Variants in EZHIP observed in about 807,000 individuals in gnomAD.
The protein encoded by EZHIP is K27M-like inhibitor of PRC2.
For synonymous variants in EZHIP, 192 were observed against 86.5 expected, an observed-to-expected ratio of 2.22 and a Z score of -6.77; for missense variants, 428 against 204.2, an observed-to-expected ratio of 2.10 and a Z score of -6.68.
rs781896481 is a variant in EZHIP at position 51,408,289 on chromosome X, T to C, written c.1273T>C (p.Trp425Arg). Residue 425 changes from tryptophan (W) to arginine (R), a missense_variant, in exon 1 of 1, where the codon TGG becomes CGG. Physicochemically the swap from Trp to Arg is moderately radical, Grantham distance 101. Transcript: ENST00000342995. Reference sequence around the variant, plus strand: ...GTTCTTCCTTCCCATCCCTCAGCAGTGGGATGAGAGCTCCTCCTCCTCCTA... The same window carrying C: ...GTTCTTCCTTCCCATCCCTCAGCAGCGGGATGAGAGCTCCTCCTCCTCCTA... Reference protein sequence around the residue: ...GRFFLPIPQQWDESSSSSYAS... With the variant: ...GRFFLPIPQQRDESSSSSYAS... The C allele has an allele frequency of 1.8e-6, 1 of 571,069 alleles. No homozygotes were observed. The highest frequency in any genetic ancestry group is 3.2e-6 in the Non-Finnish European group (1 of 309,513). The allele number at this position is 571,069 out of a possible 1,213,427, so 47.1% of individuals were successfully genotyped here. A position where few individuals can be genotyped will look rare whatever the true frequency, so the allele number is the denominator to read the frequency against.
In EZHIP at chrX:51,408,253, C is replaced by A. The variant is rs1924136612; in HGVS notation, c.1237C>A (p.Pro413Thr). 5.3e-6 allele frequency: 3 copies of A among 569,332 alleles called. No homozygotes were observed. Among genetic ancestry groups the A allele is most frequent in the African/African-American group, 2.2e-5 (1 of 44,720 alleles). The allele number at this position is 569,332 out of a possible 1,213,427, so 46.9% of individuals were successfully genotyped here. ...AVRMRASSPS[P>T]PGRFFLPIPQ... ...CCGTATGCGTGCCTCCTCACCCTCA[C>A]CCCCTGGGAGGTTCTTCCTTCCCAT... The change falls in exon 1 of 1, where the codon CCC (proline) becomes ACC (threonine). Residue 413 changes from proline to threonine, a missense_variant. Coordinates refer to ENST00000342995, the MANE Select transcript of EZHIP (RefSeq NM_203407.3).
chrX:51,407,643 A>G lies in EZHIP; in HGVS notation c.627A>G (p.Ala209=). 3 of 564,094 alleles carry G rather than the reference A, an allele frequency of 5.3e-6. No individual in the cohort carries two copies. Among genetic ancestry groups the G allele is most frequent in the Non-Finnish European group, 9.8e-6 (3 of 306,053 alleles). 46.5% of individuals were successfully genotyped at this position (564,094 alleles called of 1,213,427 possible). The change falls in exon 1 of 1, where the codon GCA becomes GCG. Residue 209 remains alanine (A), a synonymous_variant. Transcript: ENST00000342995. ...GPALLSHASE[A]RPATRSRITL... is the part of the protein sequence containing the mutation. ...CACTCCTAAGCCACGCATCTGAGGC[A>G]AGGCCTGCTACCCGAAGCCGCATCA... is the stretch of plus-strand genomic sequence containing the variant.
rs985319906 is a variant in EZHIP, at chrX:51,407,026, C to G, written c.10C>G (p.Gln4Glu). Residue 4 changes from glutamine to glutamate, a missense_variant, in exon 1 of 1, where the codon CAG becomes GAG. Transcript: ENST00000342995. ...GGGAGAACCTGGCGTTATGGCCACT[C>G]AGTCAGACATGGAGAAGGAGCAGAA... is the stretch of plus-strand genomic sequence containing the variant. MAT[Q>E]SDMEKEQKHQ... 1 of 566,078 alleles carries G rather than the reference C, an allele frequency of 1.8e-6. No individual in the cohort carries two copies. Among genetic ancestry groups the G allele is most frequent in the Non-Finnish European group, 3.3e-6 (1 of 307,038 alleles). The allele number at this position is 566,078 out of a possible 1,213,427, so 46.7% of individuals were successfully genotyped here.
rs782495154 is a variant in EZHIP, at chrX:51,408,317, C to T, written c.1301C>T (p.Ala434Val). The change falls in exon 1 of 1, where the codon GCT becomes GTT. Residue 434 changes from alanine to valine, a missense_variant. Ala to Val is a moderately conservative substitution (Grantham distance 64). Transcript: ENST00000342995. ...QWDESSSSSY[A>V]SNSSSPSRSP... ...GATGAGAGCTCCTCCTCCTCCTATG[C>T]TTCCAACTCCTCCTCCCCGAGTAGG... The T allele has an allele frequency of 1.8e-6, 1 of 571,320 alleles. No homozygotes were observed. Among genetic ancestry groups the T allele is most frequent in the Non-Finnish European group, 3.2e-6 (1 of 309,637 alleles). The allele number at this position is 571,320 out of a possible 1,213,427, so 47.1% of individuals were successfully genotyped here. A position where few individuals can be genotyped will look rare whatever the true frequency, so the allele number is the denominator to read the frequency against.
Position 51,408,038 on chromosome X carries a change from C to G in EZHIP, c.1022C>G (p.Pro341Arg), listed in dbSNP as rs782335734. The change falls in exon 1 of 1, where the codon CCA becomes CGA. Residue 341 changes from proline to arginine, a missense_variant. By Grantham distance (103) the Pro-to-Arg change is moderately radical (BLOSUM62 -2). Transcript: ENST00000342995. ...DAGHRSTSTT[P>R]GTGLRSRSTQ... ...GGTCATCGCAGCACCAGCACGACGC[C>G]AGGCACTGGCCTCCGGAGCCGTTCC... is the stretch of plus-strand genomic sequence containing the variant. 1.8e-5 allele frequency: 10 copies of G among 571,093 alleles called. No homozygotes were observed. In the Admixed American group the frequency reaches 2.2e-4, roughly 13 times the overall value. The allele number at this position is 571,093 out of a possible 1,213,427, so 47.1% of individuals were successfully genotyped here.
Position 51,408,615 on chromosome X carries a change from G to T in EZHIP, c.*87G>T. ...GGCTGCCTGCCCTGTAGTTAGCTGC[G>T]AGGTCTCCCAAAGTTCCAGCCGTTA... On this transcript the variant is annotated 3_prime_UTR_variant, in exon 1 of 1. Transcript: ENST00000342995. The T allele has an allele frequency of 2.0e-6, 1 of 490,303 alleles. No individual in the cohort carries two copies. Among genetic ancestry groups the T allele is most frequent in the South Asian group, 3.0e-5 (1 of 33,878 alleles). 40.4% of individuals were successfully genotyped at this position (490,303 alleles called of 1,213,427 possible). A position where few individuals can be genotyped will look rare whatever the true frequency, so the allele number is the denominator to read the frequency against.
Position 51,407,280 on chromosome X carries a change from C to T in EZHIP, c.264C>T (p.Ile88=). ...CCGATGAGGCCTCGGGGCTGCCAAT[C>T]ATAGCTGCTGTGCTGACGGAGAGGC... ...FITDEASGLP[I]IAAVLTERHS... is the part of the protein sequence containing the mutation. The change falls in exon 1 of 1, where the codon ATC becomes ATT. Residue 88 remains isoleucine (I), a synonymous_variant. Transcript: ENST00000342995. The T allele has an allele frequency of 1.8e-6, 1 of 571,296 alleles. No homozygotes were observed. The highest frequency in any genetic ancestry group is 3.2e-6 in the Non-Finnish European group (1 of 309,578). 47.1% of individuals were successfully genotyped at this position (571,296 alleles called of 1,213,427 possible).
Position 51,407,188 on chromosome X carries a change from G to A in EZHIP, c.172G>A (p.Ala58Thr), listed in dbSNP as rs782321744. ...CAGCCAAGCATCTCCCTCGGGCGGC[G>A]CCGCCCTAAGCAGCAGCACAGCCGG... Reference protein sequence around the residue: ...VSSQASPSGGAALSSSTAGSS... With the variant: ...VSSQASPSGGTALSSSTAGSS... The change falls in exon 1 of 1, where the codon GCC becomes ACC. Residue 58 changes from alanine to threonine, a missense_variant. Coordinates refer to ENST00000342995, the MANE Select transcript of EZHIP (RefSeq NM_203407.3). The A allele has an allele frequency of 8.8e-6, 5 of 568,728 alleles. No homozygotes were observed. Among genetic ancestry groups the A allele is most frequent in the African/African-American group, 6.7e-5 (3 of 44,848 alleles). The allele number at this position is 568,728 out of a possible 1,213,427, so 46.9% of individuals were successfully genotyped here.
chrX:51,407,693 G>C lies in EZHIP; in HGVS notation c.677G>C (p.Arg226Thr), dbSNP rs782361517. Reference protein sequence around the residue: ...RITLVASALRRRASGPGPVIR... With the variant: ...RITLVASALRTRASGPGPVIR... ...ACCCTGGTAGCTTCTGCTCTCCGCAGACGTGCATCTGGTCCAGGCCCTGTC... is the reference window on the plus strand; with the variant it reads ...ACCCTGGTAGCTTCTGCTCTCCGCACACGTGCATCTGGTCCAGGCCCTGTC... Residue 226 changes from arginine to threonine, a missense_variant, in exon 1 of 1, where the codon AGA (arginine) becomes ACA (threonine). By Grantham distance (71) the Arg-to-Thr change is moderately conservative. Transcript: ENST00000342995. 3 of 564,760 alleles carry C rather than the reference G, an allele frequency of 5.3e-6. No homozygotes were observed. Among genetic ancestry groups the C allele is most frequent in the Non-Finnish European group, 9.8e-6 (3 of 306,647 alleles). 46.5% of individuals were successfully genotyped at this position (564,760 alleles called of 1,213,427 possible).
rs781902896 is a variant in EZHIP, at chrX:51,408,683, TC to T, written c.*157del. On this transcript the variant is annotated 3_prime_UTR_variant, in exon 1 of 1. Transcript: ENST00000342995. ...TTTAGAAGCCTCTCCTCCCCATGAC[TC>T]CACCACCTAGCACTTAACCTGCTGT... is the stretch of plus-strand genomic sequence containing the variant. The T allele has an allele frequency of 5.6e-4, 247 of 444,919 alleles. 1 individual carries two copies. The African/African-American group carries it at 5.6e-3, about 10-fold the overall frequency. 36.7% of individuals were successfully genotyped at this position (444,919 alleles called of 1,213,427 possible). A position where few individuals can be genotyped will look rare whatever the true frequency, so the allele number is the denominator to read the frequency against.
In EZHIP at chrX:51,407,662, C is replaced by G. The variant is rs981755102; in HGVS notation, c.646C>G (p.Arg216Gly). 7.1e-6 allele frequency: 4 copies of G among 562,298 alleles called. No individual in the cohort carries two copies. Among genetic ancestry groups the G allele is most frequent in the Non-Finnish European group, 1.3e-5 (4 of 305,728 alleles). 46.3% of individuals were successfully genotyped at this position (562,298 alleles called of 1,213,427 possible). A position where few individuals can be genotyped will look rare whatever the true frequency, so the allele number is the denominator to read the frequency against. The part of the protein sequence containing the change: ...ASEARPATRS[R>G]ITLVASALRR... ...TGAGGCAAGGCCTGCTACCCGAAGC[C>G]GCATCACCCTGGTAGCTTCTGCTCT... Residue 216 changes from arginine to glycine, a missense_variant, in exon 1 of 1, where the codon CGC becomes GGC. Coordinates refer to ENST00000342995, the MANE Select transcript of EZHIP (RefSeq NM_203407.3).
Position 51,408,582 on chromosome X carries a change from T to C in EZHIP, c.*54T>C. On this transcript the variant is annotated 3_prime_UTR_variant, in exon 1 of 1. Transcript: ENST00000342995. ...AGAAGGAATCAACATTTACCCACTT[T>C]GTGAATGGGCTGCCTGCCCTGTAGT... 1.9e-6 allele frequency: 1 copy of C among 534,247 alleles called. No homozygotes were observed. The highest frequency in any genetic ancestry group is 3.5e-6 in the Non-Finnish European group (1 of 289,569). The allele number at this position is 534,247 out of a possible 1,213,427, so 44.0% of individuals were successfully genotyped here.
rs782367462 is a variant in EZHIP at position 51,408,106 on chromosome X, G to C, written c.1090G>C (p.Gly364Arg). The C allele has an allele frequency of 1.8e-6, 1 of 571,162 alleles. No individual in the cohort carries two copies. The highest frequency in any genetic ancestry group is 2.2e-5 in the South Asian group (1 of 45,005). 47.1% of individuals were successfully genotyped at this position (571,162 alleles called of 1,213,427 possible). A position where few individuals can be genotyped will look rare whatever the true frequency, so the allele number is the denominator to read the frequency against. Residue 364 changes from glycine (G) to arginine (R), a missense_variant, in exon 1 of 1, where the codon GGG becomes CGG. By Grantham distance (125) the Gly-to-Arg change is moderately radical (BLOSUM62 -2). Coordinates refer to ENST00000342995, the MANE Select transcript of EZHIP (RefSeq NM_203407.3). ...SALLSRRSLS[G>R]SADENPSCGT... ...CCTTCTCAGCCGCCGCTCTCTGTCT[G>C]GGTCAGCTGATGAGAATCCTTCCTG...
chrX:51,407,786 G>C lies in EZHIP; in HGVS notation c.770G>C (p.Arg257Pro). 1 of 564,195 alleles carries C rather than the reference G, an allele frequency of 1.8e-6. No homozygotes were observed. The highest frequency in any genetic ancestry group is 3.3e-6 in the Non-Finnish European group (1 of 306,971). 46.5% of individuals were successfully genotyped at this position (564,195 alleles called of 1,213,427 possible). The change falls in exon 1 of 1, where the codon CGT becomes CCT. Residue 257 changes from arginine (R) to proline (P), a missense_variant. Transcript: ENST00000342995. ...CGCGCCACTCATCTAGACCCTGCTCGTCTAAGCCCTGAATCTGCGCCAGGC... is the reference window on the plus strand; with the variant it reads ...CGCGCCACTCATCTAGACCCTGCTCCTCTAAGCCCTGAATCTGCGCCAGGC... ...PHRATHLDPA[R>P]LSPESAPGPA...
chrX:51,407,513 G>T lies in EZHIP; in HGVS notation c.497G>T (p.Arg166Leu), dbSNP rs782070206. 1.8e-6 allele frequency: 1 copy of T among 546,585 alleles called. No homozygotes were observed. The highest frequency in any genetic ancestry group is 3.4e-5 in the East Asian group (1 of 29,114). 45.0% of individuals were successfully genotyped at this position (546,585 alleles called of 1,213,427 possible). The change falls in exon 1 of 1, where the codon CGT becomes CTT. Residue 166 changes from arginine to leucine, a missense_variant. Transcript: ENST00000342995. ...CCGGCTCAGAAGCCTCCAGGGCGGC[G>T]TCTGTTTCCTGAGCCTTTGCCGCCA... Reference protein sequence around the residue: ...AAPAQKPPGRRLFPEPLPPSS... With the variant: ...AAPAQKPPGRLLFPEPLPPSS...
chrX:51,406,959 C>G lies in EZHIP; in HGVS notation c.-58C>G. The G allele has an allele frequency of 1.9e-6, 1 of 526,752 alleles. No individual in the cohort carries two copies. 43.4% of individuals were successfully genotyped at this position (526,752 alleles called of 1,213,427 possible). A position where few individuals can be genotyped will look rare whatever the true frequency, so the allele number is the denominator to read the frequency against. On this transcript the variant is annotated 5_prime_UTR_variant, in exon 1 of 1. Coordinates refer to ENST00000342995, the MANE Select transcript of EZHIP (RefSeq NM_203407.3). ...CACCTTCTTGCTCTACCAGTTCGCG[C>G]TCTCCTCCGGCAGAAGTAGCAGCTG...
In EZHIP at chrX:51,407,012, G is replaced by T; in HGVS notation, c.-5G>T. ...CTCTTGCTCTCTGGGGGAGAACCTG[G>T]CGTTATGGCCACTCAGTCAGACATG... On this transcript the variant is annotated 5_prime_UTR_variant, in exon 1 of 1. Transcript: ENST00000342995. The T allele has an allele frequency of 3.5e-6, 2 of 564,963 alleles. No homozygotes were observed. Among genetic ancestry groups the T allele is most frequent in the Non-Finnish European group, 3.3e-6 (1 of 305,694 alleles). The allele number at this position is 564,963 out of a possible 1,213,427, so 46.6% of individuals were successfully genotyped here.
In EZHIP at chrX:51,408,012, C is replaced by G. The variant is rs782433378; in HGVS notation, c.996C>G (p.Ala332=). Residue 332 remains alanine (A), a synonymous_variant, in exon 1 of 1, where the codon GCC becomes GCG. Coordinates refer to ENST00000342995, the MANE Select transcript of EZHIP (RefSeq NM_203407.3). ...GCGTCCGCACAGCAAGGTCAGACGC[C>G]GGTCATCGCAGCACCAGCACGACGC... The part of the protein sequence containing the change: ...ALRVRTARSD[A]GHRSTSTTPG... 12 of 568,767 alleles carry G rather than the reference C, an allele frequency of 2.1e-5. No individual in the cohort carries two copies. The highest frequency in any genetic ancestry group is 2.9e-5 in the Non-Finnish European group (9 of 309,262). 46.9% of individuals were successfully genotyped at this position (568,767 alleles called of 1,213,427 possible). A position where few individuals can be genotyped will look rare whatever the true frequency, so the allele number is the denominator to read the frequency against.
rs782323129 is a variant in EZHIP at position 51,407,925 on chromosome X, C to T, written c.909C>T (p.Gly303=). The change falls in exon 1 of 1, where the codon GGC becomes GGT. Residue 303 remains glycine (G), a synonymous_variant. Transcript: ENST00000342995. ...CTGCGCCAGTCTCTGCCCCCCGAGGCCGCGATTCTGCGCCAGGCTCTGCCC... is the reference window on the plus strand; with the variant it reads ...CTGCGCCAGTCTCTGCCCCCCGAGGTCGCGATTCTGCGCCAGGCTCTGCCC... The part of the protein sequence containing the change: ...RDSAPVSAPR[G]RDSAPGSARR... The T allele has an allele frequency of 5.4e-6, 3 of 559,541 alleles. No homozygotes were observed. In the Admixed American group the frequency reaches 6.7e-5, roughly 12 times the overall value. The allele number at this position is 559,541 out of a possible 1,213,427, so 46.1% of individuals were successfully genotyped here. A position where few individuals can be genotyped will look rare whatever the true frequency, so the allele number is the denominator to read the frequency against.
Sources: allele counts gnomAD v4.1 joint callset, GRCh38; gene constraint gnomAD v4.1.1; transcripts MANE v1.5; gene names NCBI Gene and HGNC (gene_info 2026-07-23, HGNC 2026-07-21).